Variants in PPIL6 observed in about 807,000 individuals in gnomAD.
PPIL6 encodes the protein peptidylprolyl isomerase like 6.
Under a neutral mutation model 36.8 loss-of-function variants are expected in PPIL6, and 39 were observed. That is an observed-to-expected ratio of 1.06 (90% confidence interval 0.82 to 1.38). The LOEUF is 1.38. PPIL6 is among the 40% of genes most tolerant of loss of function. The pLI is 0.00. For synonymous variants in PPIL6, 123 were observed against 134.1 expected, an observed-to-expected ratio of 0.92 and a Z score of 0.57; for missense variants, 368 against 379.1, an observed-to-expected ratio of 0.97 and a Z score of 0.24.
chr6:109,406,630 A>G (rs1369254122), intron 6 of PPIL6, among the ~76,000 whole-genome samples: 1 of 152,180 alleles, frequency 6.6e-6, no homozygotes, highest in Non-Finnish European at 1.5e-5. Flanking sequence ...CAATACTTTT[A>G]TAAAGAGATG....
intron 5 of PPIL6, 75 bp from the exon 6 acceptor site, chr6:109,419,318 A>T: frequency 9.5e-7 from 1 of 1,048,226 alleles, no homozygotes; most frequent in East Asian, 2.4e-5. Flanking sequence ...CAGGGAAAAA[A>T]TTTTGCTTTC....
At chr6:109,424,122 T>A (rs7768973) in intron 5 of PPIL6, among the ~76,000 whole-genome samples, 78,492 of 151,538 alleles carry the variant, frequency 0.52, 21,291 homozygotes, top group African/African-American at 0.7. Flanking sequence ...GGGTGAGCGG[T>A]GTGTGTGGAC....
At chr6:109,430,858 C>T (rs1774102984) in intron 3 of PPIL6, among the ~76,000 whole-genome samples, 1 of 152,118 alleles carries the variant, frequency 6.6e-6, no homozygotes, top group Non-Finnish European at 1.5e-5. Context: ...TAGGTTTTAC[C>T]TTCTCTGAGG....
rs755543484 is a variant in PPIL6 at position 109,436,136 on chromosome 6, C to A, written c.199G>T (p.Ala67Ser). 1.3e-6 allele frequency: 2 copies of A among 1,587,838 alleles called. No individual in the cohort carries two copies. The highest frequency in any genetic ancestry group is 2.2e-5 in the East Asian group (1 of 44,734). ...DPILVPLQEF[A>S]WHQYLQEKKR... is the part of the protein sequence containing the mutation. Reference sequence around the variant, plus strand: ...TTCTCCTGTAGATATTGATGCCATGCAAATTCTTGAAGAGGAACTAATATA... The same window carrying A: ...TTCTCCTGTAGATATTGATGCCATGAAAATTCTTGAAGAGGAACTAATATA... The change falls in exon 2 of 8, where the codon GCA becomes TCA. Residue 67 changes from alanine to serine, a missense_variant. By Grantham distance (99) the Ala-to-Ser change is moderately conservative. Coordinates refer to ENST00000521072, the MANE Select transcript of PPIL6 (RefSeq NM_173672.5).
At chr6:109,432,026 A>G (rs1244719828) in intron 2 of PPIL6, among the ~76,000 whole-genome samples, 2 of 152,214 alleles carry the variant, frequency 1.3e-5, no homozygotes, top group Non-Finnish European at 2.9e-5. Flanking sequence ...ACACATTAAT[A>G]GAAGATAAAT....
rs11397016 is a variant in PPIL6, at chr6:109,401,728, C to CTTT, written c.689-1561_689-1559dup. On this transcript the variant is annotated intron_variant, in intron 6 of 7. Coordinates refer to ENST00000521072, the MANE Select transcript of PPIL6 (RefSeq NM_173672.5). The stretch of plus-strand genomic sequence containing the variant: ...CACAGCAAAGACTCAGAGAGTTTTT[C>CTTT]TTTTTTTTTTTTGTGAGATGGAGTC... Among the ~76,000 whole-genome samples, 403 of 146,070 alleles carry CTTT rather than the reference C, an allele frequency of 2.8e-3. 3 individuals are homozygous for CTTT. Among genetic ancestry groups the CTTT allele is most frequent in the African/African-American group, 9.7e-3 (386 of 39,606 alleles).
At chr6:109,440,416 C>T in intron 1 of PPIL6, 40 bp downstream of exon 1, 1 of 1,530,276 alleles carries the variant, frequency 6.5e-7, no homozygotes. Flanking sequence ...GAGCGGGTAG[C>T]GGGGAGGGCC....
chr6:109,438,923 C>G (rs1022576807), intron 1 of PPIL6, among the ~76,000 whole-genome samples: 1 of 152,184 alleles, frequency 6.6e-6, no homozygotes, highest in African/African-American at 2.4e-5. Flanking sequence ...AATTGTATTT[C>G]ACGTTATGTG....
In PPIL6 at chr6:109,425,869, A is replaced by T. The variant is rs531223330; in HGVS notation, c.631+978T>A. Among the ~76,000 whole-genome samples the T allele has an allele frequency of 7.9e-5, 12 of 152,348 alleles. No individual in the cohort carries two copies. In the South Asian group the frequency reaches 2.5e-3, roughly 32 times the overall value. ...GACCCCTTGAGAAATGTTTTATACT[A>T]ACAAAAAATAGAAAACCATCTAAAT... On this transcript the variant is annotated intron_variant, in intron 5 of 7. Transcript: ENST00000521072.
chr6:109,430,820 A>G (rs1455357649), intron 3 of PPIL6, among the ~76,000 whole-genome samples: 1 of 152,172 alleles, frequency 6.6e-6, no homozygotes, highest in Non-Finnish European at 1.5e-5. Flanking sequence ...CTTAATTTAA[A>G]TATTTCACAC....
At chr6:109,431,372 A>AC (rs752182410) in intron 2 of PPIL6, 27 bp from the exon 3 acceptor site, 4 of 1,542,474 alleles carry the variant, frequency 2.6e-6, no homozygotes, top group Non-Finnish European at 2.6e-6. Context: ...CAAAAAAAAA[A>AC]AAAAACGTAA....
At chr6:109,419,149 C>T (rs771943472) in intron 6 of PPIL6, 38 bp downstream of exon 6, 1 of 1,205,704 alleles carries the variant, frequency 8.3e-7, no homozygotes, top group Non-Finnish European at 1.2e-6. Context: ...TTTGAATAAT[C>T]AACTAATATA....
At chr6:109,421,026 C>T (rs1428146629) in intron 5 of PPIL6, among the ~76,000 whole-genome samples, 3 of 151,994 alleles carry the variant, frequency 2.0e-5, no homozygotes, top group African/African-American at 7.2e-5. Context: ...AAGCTGAGGG[C>T]CCCCCCACCA....
intron 6 of PPIL6, among the ~76,000 whole-genome samples, chr6:109,417,121 G>C (rs1368442914): frequency 6.7e-6 from 1 of 150,054 alleles, no homozygotes; most frequent in Non-Finnish European, 1.5e-5. Context: ...CATGAGCTAT[G>C]ATCACGCCAT....
chr6:109,412,993 A>G (rs1188461757), intron 6 of PPIL6, among the ~76,000 whole-genome samples: 1 of 152,070 alleles, frequency 6.6e-6, no homozygotes, highest in Non-Finnish European at 1.5e-5. Context: ...CCCTGTCTCT[A>G]CTAAAAATAC....
At chr6:109,428,684 A>G (rs1338445443) in intron 3 of PPIL6, among the ~76,000 whole-genome samples, 1 of 152,072 alleles carries the variant, frequency 6.6e-6, no homozygotes, top group African/African-American at 2.4e-5. Context: ...TTTTTAATGA[A>G]AAGACTGAAA....
At chr6:109,436,631 G>C (rs576158775) in intron 1 of PPIL6, among the ~76,000 whole-genome samples, 2 of 152,302 alleles carry the variant, frequency 1.3e-5, no homozygotes, top group Admixed American at 6.5e-5. Context: ...TGAGGCAAGA[G>C]AATCACTTGA....
chr6:109,431,183 A>T lies in PPIL6; in HGVS notation c.394T>A (p.Ser132Thr), dbSNP rs1394046195. 2 of 1,609,618 alleles carry T rather than the reference A, an allele frequency of 1.2e-6. No homozygotes were observed. Among genetic ancestry groups the T allele is most frequent in the Admixed American group, 3.4e-5 (2 of 59,532 alleles). Residue 132 changes from serine to threonine, a missense_variant, in exon 3 of 8, where the codon TCC (serine) becomes ACC (threonine). Transcript: ENST00000521072. Reference sequence around the variant, plus strand: ...TTGGTGTCTCTTAAGAACTTAGCGGAAAAATCCTCAGTGAGTGCGTCATAA... The same window carrying T: ...TTGGTGTCTCTTAAGAACTTAGCGGTAAAATCCTCAGTGAGTGCGTCATAA... The part of the protein sequence containing the change: ...ALYDALTEDF[S>T]AKFLRDTKHD...
intron 3 of PPIL6, among the ~76,000 whole-genome samples, chr6:109,428,175 G>C (rs1284638265): frequency 6.6e-6 from 1 of 152,162 alleles, no homozygotes. Flanking sequence ...CATTCAAAAT[G>C]AAAATGCTAG....
Sources: gnomAD v4.1 joint callset for allele counts (sites outside exome capture counted in the v4.1 genomes callset) on GRCh38, gnomAD v4.1.1 for gene constraint, MANE v1.5 for transcripts, NCBI Gene and HGNC (gene_info 2026-07-23, HGNC 2026-07-21) for gene names.